Variants in MYH3 observed in about 807,000 individuals in gnomAD.
The protein encoded by MYH3 is myosin heavy chain 3.
A neutral mutation model predicts 238.0 loss-of-function variants in MYH3; 130 were observed. The ratio of observed to expected loss-of-function variants is 0.55; its 90% CI spans 0.47 to 0.63. The LOEUF (loss-of-function observed/expected upper bound fraction) is 0.63, where lower values mean the gene tolerates loss of function less well. MYH3 is among the 30% of genes least tolerant of loss of function. MYH3 has a pLI of 0.00. For synonymous variants in MYH3, 880 were observed against 924.1 expected (o/e 0.95, Z 0.86); for missense variants, 1,853 against 2,374.9 (o/e 0.78, Z 4.57).
chr17:10,634,702 C>G lies in MYH3; in HGVS notation c.4356+138G>C, dbSNP rs564386496. On this transcript the variant is annotated intron_variant, in intron 31 of 40. Transcript: ENST00000583535. ...TTTTGCAGATGAGGAAACTACAGCC[C>G]GGTGAAGTTCAGGGACTTGCCCAAG... 37 of 998,356 alleles carry G rather than the reference C, an allele frequency of 3.7e-5. No individual in the cohort carries two copies. In the Middle Eastern group the frequency reaches 1.9e-3, roughly 52 times the overall value. 61.8% of individuals were successfully genotyped at this position (998,356 alleles called of 1,614,324 possible).
At chr17:10,650,755 G>T (rs998825659) in intron 5 of MYH3, among the ~76,000 whole-genome samples, 1 of 152,122 alleles carries the variant, frequency 6.6e-6, no homozygotes. Context: ...AATATACAAT[G>T]CATTATTACT....
intron 12 of MYH3, 90 bp downstream of exon 12, chr17:10,645,617 C>T (rs546543725): frequency 1.3e-6 from 2 of 1,523,676 alleles, no homozygotes; most frequent in East Asian, 4.5e-5. Context: ...GCCACTGTGC[C>T]TGGCTGGATT....
upstream of MYH3, among the ~76,000 whole-genome samples, chr17:10,658,382 CCCCGAAGTGG>C (rs2074455035): frequency 6.6e-6 from 1 of 152,138 alleles, no homozygotes; most frequent in Admixed American, 6.5e-5. Context: ...CAGTACCAAG[CCCCGAAGTGG>C]AGGCCACTCC....
intron 12 of MYH3, 99 bp downstream of exon 12, chr17:10,645,608 C>T: frequency 4.1e-6 from 6 of 1,475,510 alleles, no homozygotes; most frequent in Non-Finnish European, 5.6e-6. Flanking sequence ...CAGGTGTGAG[C>T]CACTGTGCCT....
At position 10,639,983 on chromosome 17, in the gene MYH3, G is replaced by C; in HGVS notation, c.2682+13C>G. ...AAGAGTTAAAAAAAAAAAAAAGATTGCTAAACACGTACAGCTTGTACTTGG... is the reference window on the plus strand; with the variant it reads ...AAGAGTTAAAAAAAAAAAAAAGATTCCTAAACACGTACAGCTTGTACTTGG... On this transcript the variant is annotated intron_variant, in intron 22 of 40. Transcript: ENST00000583535. 6.2e-7 allele frequency: 1 copy of C among 1,607,726 alleles called. No individual in the cohort carries two copies. The highest frequency in any genetic ancestry group is 8.5e-7 in the Non-Finnish European group (1 of 1,178,430).
chr17:10,677,503 A>AT, the MYH3 span: 1 of 152,342 alleles, frequency 6.6e-6, no homozygotes, highest in Admixed American at 6.5e-5. Context: ...ATTAATGTCA[A>AT]TTTCTTTTAA....
intron 37 of MYH3, 30 bp downstream of exon 37, chr17:10,630,258 C>T: frequency 6.3e-7 from 1 of 1,586,686 alleles, no homozygotes. Flanking sequence ...CTGGAAAGCT[C>T]AGCGCAGGCG....
rs368399591 is a variant in MYH3 at position 10,634,568 on chromosome 17, T to C, written c.4356+272A>G. ...TAGGATCTCAGCTTAGACAGACCAGTAGTACGGAAAGGAAAAATGCTTAGG... is the reference window on the plus strand; with the variant it reads ...TAGGATCTCAGCTTAGACAGACCAGCAGTACGGAAAGGAAAAATGCTTAGG... On this transcript the variant is annotated intron_variant, in intron 31 of 40. Transcript: ENST00000583535. Among the ~76,000 whole-genome samples, 26 of 152,284 alleles carry C rather than the reference T, an allele frequency of 1.7e-4. 1 individual carries two copies. In the East Asian group the frequency reaches 2.9e-3, roughly 17 times the overall value.
At chr17:10,667,161 C>G in the MYH3 span, among the ~76,000 whole-genome samples, 2 of 152,156 alleles carry the variant, frequency 1.3e-5, no homozygotes, top group African/African-American at 4.8e-5. Context: ...TTTAGAAAAA[C>G]AAACTAGCAA....
chr17:10,630,422 C>A lies in MYH3; in HGVS notation c.5323G>T (p.Asp1775Tyr). ...ATCCGCTCAAGGTGGGCGCTGGTGT[C>A]CTGCTCCTTCTTCAGCTCCTCCGCC... ...MMAEELKKEQDTSAHLERMKK... is the reference protein window; with the variant it reads ...MMAEELKKEQYTSAHLERMKK... Residue 1775 changes from aspartate to tyrosine, a missense_variant, in exon 37 of 41, where the codon GAC (aspartate) becomes TAC (tyrosine). This residue lies in a region of MYH3 where 1,044 missense variants were observed against 1,192.6 expected (regional missense o/e 0.88). Coordinates refer to ENST00000583535, the MANE Select transcript of MYH3 (RefSeq NM_002470.4). 1 of 1,614,198 alleles carries A rather than the reference C, an allele frequency of 6.2e-7. No homozygotes were observed. Among genetic ancestry groups the A allele is most frequent in the South Asian group, 1.1e-5 (1 of 91,076 alleles).
intron 10 of MYH3, 47 bp downstream of exon 10, chr17:10,647,135 C>G: frequency 7.2e-7 from 1 of 1,385,634 alleles, no homozygotes; most frequent in South Asian, 1.2e-5. Context: ...GTCTAGTGAT[C>G]AGAGTCAAAC....
At chr17:10,659,127 T>C (rs1209013010), upstream of MYH3, 3 of 152,170 alleles carry the variant, frequency 2.0e-5, no homozygotes, top group African/African-American at 7.2e-5. Flanking sequence ...TGTGTGGAAA[T>C]GAAATAGGGG....
chr17:10,639,997 G>C lies in MYH3; in HGVS notation c.2681C>G (p.Ala894Gly), dbSNP rs976568229. 1 of 1,613,166 alleles carries C rather than the reference G, an allele frequency of 6.2e-7. No individual in the cohort carries two copies. The highest frequency in any genetic ancestry group is 1.7e-5 in the Admixed American group (1 of 59,944). Residue 894 changes from alanine (A) to glycine (G), a missense_variant and splice_region_variant, in exon 22 of 41, where the codon GCT becomes GGT. Physicochemically the swap from Ala to Gly is moderately conservative, Grantham distance 60. Coordinates refer to ENST00000583535, the MANE Select transcript of MYH3 (RefSeq NM_002470.4). ...EKNDLQLQVQ[A>G]ESENLLDAEE... ...AAAAAAAGATTGCTAAACACGTACAGCTTGTACTTGGAGCTGCAGGTCATT... is the reference window on the plus strand; with the variant it reads ...AAAAAAAGATTGCTAAACACGTACACCTTGTACTTGGAGCTGCAGGTCATT...
At chr17:10,667,580 C>G in the MYH3 span, among the ~76,000 whole-genome samples, 1 of 151,226 alleles carries the variant, frequency 6.6e-6, no homozygotes, top group African/African-American at 2.4e-5. Context: ...ACTTGGGATG[C>G]TGAGGCAGGG....
At chr17:10,647,781 G>A (rs3760433) in intron 8 of MYH3, among the ~76,000 whole-genome samples, 86,739 of 151,788 alleles carry the variant, frequency 0.57, 27,653 homozygotes, top group Non-Finnish European at 0.73. Flanking sequence ...TTGACCTCGT[G>A]ATCCGCCCGC....
Position 10,640,079 on chromosome 17 carries a change from A to C in MYH3, c.2599T>G (p.Ser867Ala), listed in dbSNP as rs931202764. The C allele has an allele frequency of 6.2e-7, 1 of 1,613,624 alleles. No individual in the cohort carries two copies. The highest frequency in any genetic ancestry group is 8.5e-7 in the Non-Finnish European group (1 of 1,179,994). ...TCTAGCTCCTTCCTTTTTGCCTCCGACTTGGCGAGTTCATCTTTGGTTTTC... is the reference window on the plus strand; with the variant it reads ...TCTAGCTCCTTCCTTTTTGCCTCCGCCTTGGCGAGTTCATCTTTGGTTTTC... ...FQKTKDELAK[S>A]EAKRKELEEK... The change falls in exon 22 of 41, where the codon TCG (serine) becomes GCG (alanine). Residue 867 changes from serine (S) to alanine (A), a missense_variant. By Grantham distance (99) the Ser-to-Ala change is moderately conservative. This residue lies in a region of MYH3 where 678 missense variants were observed against 1,058.9 expected (regional missense o/e 0.64). Coordinates refer to ENST00000583535, the MANE Select transcript of MYH3 (RefSeq NM_002470.4).
At chr17:10,641,508 CTTTTTTTTT>C (rs541839271) in intron 17 of MYH3, 136 bp from the exon 18 acceptor site, 2 of 115,154 alleles carry the variant, frequency 1.7e-5, no homozygotes, top group East Asian at 1.4e-4. Flanking sequence ...TTAACTCTGT[CTTTTTTTTT>C]TTTTTTTTTT....
At chr17:10,665,847 T>C in the MYH3 span, among the ~76,000 whole-genome samples, 1 of 152,148 alleles carries the variant, frequency 6.6e-6, no homozygotes, top group Non-Finnish European at 1.5e-5. Flanking sequence ...TTCTGCCAGA[T>C]ACTAAAACAT....
At chr17:10,628,713 G>A in intron 40 of MYH3, 34 bp from the exon 41 acceptor site, 2 of 1,613,696 alleles carry the variant, frequency 1.2e-6, no homozygotes, top group South Asian at 2.2e-5. Flanking sequence ...AGTCAAGTCG[G>A]GTGGCAGAGA....
Sources: gnomAD v4.1 joint callset for allele counts (sites outside exome capture counted in the v4.1 genomes callset) on GRCh38, gnomAD v4.1.1 for gene constraint, gnomAD v4.1.1 regional missense constraint, MANE v1.5 for transcripts, NCBI Gene and HGNC (gene_info 2026-07-23, HGNC 2026-07-21) for gene names.